The following RBFOX1 variants were observed in gnomAD, a reference collection of about 807,000 sequenced individuals.
RBFOX1 encodes the protein RNA binding protein fox-1 homolog 1.
RBFOX1 carries 8 observed loss-of-function variants against 57.7 expected under a neutral mutation model. That is an observed-to-expected ratio of 0.14 (90% confidence interval 0.08 to 0.25). The LOEUF (loss-of-function observed/expected upper bound fraction) is 0.25, where lower values mean the gene tolerates loss of function less well. Among genes scored for constraint, RBFOX1 ranks in the 10% least tolerant of loss-of-function variants. RBFOX1 has a pLI of 1.00. For synonymous variants in RBFOX1, 326 were observed against 222.4 expected (o/e 1.47, Z -4.15); for missense variants, 611 against 548.5 (o/e 1.11, Z -1.14).
At chr16:7,051,765 CAA>C (rs1292957102) in intron 3 of RBFOX1, among the ~76,000 whole-genome samples, 2 of 152,078 alleles carry the variant, frequency 1.3e-5, no homozygotes, top group Non-Finnish European at 2.9e-5. Context: ...AGTTTCATGA[CAA>C]GAGGGGAGGT....
intron 3 of RBFOX1, among the ~76,000 whole-genome samples, chr16:5,661,460 C>A (rs1053327669): frequency 6.6e-6 from 1 of 152,144 alleles, no homozygotes; most frequent in African/African-American, 2.4e-5. Context: ...ATTAATAACT[C>A]CTTCATATTA....
intron 4 of RBFOX1, among the ~76,000 whole-genome samples, chr16:7,232,935 G>A (rs895312514): frequency 6.6e-6 from 1 of 150,424 alleles, no homozygotes; most frequent in Admixed American, 6.6e-5. Flanking sequence ...TGTCAAATTT[G>A]TATTCCCATA....
At chr16:6,073,092 G>A (rs980499535) in intron 1 of RBFOX1, among the ~76,000 whole-genome samples, 1 of 152,154 alleles carries the variant, frequency 6.6e-6, no homozygotes, top group African/African-American at 2.4e-5. Context: ...TGCATCTAAT[G>A]AATTTCTTTA....
intron 2 of RBFOX1, among the ~76,000 whole-genome samples, chr16:5,512,835 T>G (rs1416103840): frequency 6.6e-6 from 1 of 152,222 alleles, no homozygotes; most frequent in Non-Finnish European, 1.5e-5. Context: ...GTCTGCTTTC[T>G]GTTTTGGGAT....
At chr16:6,753,849 G>A (rs951140793) in intron 3 of RBFOX1, among the ~76,000 whole-genome samples, 31 of 152,140 alleles carry the variant, frequency 2.0e-4, no homozygotes, top group African/African-American at 6.5e-4. Flanking sequence ...GATTTTTGCC[G>A]AGCTGAGTTT....
chr16:5,774,413 A>AT (rs1465158862), intron 3 of RBFOX1, among the ~76,000 whole-genome samples: 1 of 152,186 alleles, frequency 6.6e-6, no homozygotes, highest in Admixed American at 6.5e-5. Context: ...TTTAGAAATT[A>AT]TTTTCACAGA....
At chr16:6,952,755 A>G (rs995321309) in intron 3 of RBFOX1, among the ~76,000 whole-genome samples, 1 of 152,114 alleles carries the variant, frequency 6.6e-6, no homozygotes. Context: ...AAGCGGGCGG[A>G]TCACGAGGTC....
intron 3 of RBFOX1, among the ~76,000 whole-genome samples, chr16:6,883,917 T>A (rs1300012898): frequency 1.3e-5 from 2 of 152,140 alleles, no homozygotes; most frequent in African/African-American, 4.8e-5. Context: ...GGGGAACATC[T>A]TTACCCCAGG....
intron 3 of RBFOX1, among the ~76,000 whole-genome samples, chr16:6,853,192 C>G (rs527966683): frequency 6.6e-6 from 1 of 152,110 alleles, no homozygotes; most frequent in Non-Finnish European, 1.5e-5. Context: ...GAGACTAATA[C>G]TGGTGTTTAC....
At chr16:7,361,620 A>G (rs763116533) in intron 4 of RBFOX1, among the ~76,000 whole-genome samples, 40 of 152,316 alleles carry the variant, frequency 2.6e-4, no homozygotes, top group Middle Eastern at 3.4e-3. Flanking sequence ...TAAAGCAACC[A>G]AACACACACC....
intron 3 of RBFOX1, among the ~76,000 whole-genome samples, chr16:6,758,547 A>T (rs1461437241): frequency 1.3e-5 from 2 of 152,168 alleles, no homozygotes; most frequent in African/African-American, 4.8e-5. Flanking sequence ...CATTCAAAAC[A>T]GAATATAACC....
chr16:7,471,904 G>T (rs2061618302), intron 4 of RBFOX1, among the ~76,000 whole-genome samples: 1 of 152,142 alleles, frequency 6.6e-6, no homozygotes, highest in Non-Finnish European at 1.5e-5. Context: ...GCCATTTCCT[G>T]CTTCCATGGG....
chr16:7,440,674 T>C (rs2098758938), intron 4 of RBFOX1, among the ~76,000 whole-genome samples: 1 of 152,200 alleles, frequency 6.6e-6, no homozygotes, highest in Non-Finnish European at 1.5e-5. Context: ...CTCAGGTGAA[T>C]GAGTAACACA....
At chr16:7,297,467 G>A (rs1194259308) in intron 4 of RBFOX1, among the ~76,000 whole-genome samples, 2 of 152,152 alleles carry the variant, frequency 1.3e-5, no homozygotes, top group Non-Finnish European at 2.9e-5. Context: ...AAGTTATGCT[G>A]TAAACGGATA....
At chr16:7,304,100 G>C (rs1256347472) in intron 4 of RBFOX1, 2 of 638,272 alleles carry the variant, frequency 3.1e-6, no homozygotes, top group Non-Finnish European at 3.9e-6. Flanking sequence ...GTTGGAGGCA[G>C]AGGAACGCCG....
At chr16:6,066,814 C>T (rs1232010189) in intron 1 of RBFOX1, among the ~76,000 whole-genome samples, 1 of 152,144 alleles carries the variant, frequency 6.6e-6, no homozygotes, top group East Asian at 1.9e-4. Context: ...TCTGCTCATT[C>T]TGCCCTCCAC....
At chr16:6,720,399 C>T (rs898821270) in intron 3 of RBFOX1, among the ~76,000 whole-genome samples, 1 of 152,140 alleles carries the variant, frequency 6.6e-6, no homozygotes, top group African/African-American at 2.4e-5. Context: ...GAACTGTGAA[C>T]CATGTAAATC....
intron 14 of RBFOX1, among the ~76,000 whole-genome samples, chr16:7,708,246 T>TA (rs201903934): frequency 0.016 from 2,428 of 150,152 alleles, 81 homozygotes; most frequent in East Asian, 0.048. Flanking sequence ...TTGATTCCTT[T>TA]AAAAAAAAAA....
chr16:6,061,099 C>A (rs1237371592), intron 1 of RBFOX1, among the ~76,000 whole-genome samples: 1 of 152,136 alleles, frequency 6.6e-6, no homozygotes, highest in African/African-American at 2.4e-5. Flanking sequence ...CTGATTGGCC[C>A]AGGTCTTTTC....
Sources: allele counts gnomAD v4.1 joint callset (sites outside exome capture counted in the v4.1 genomes callset), GRCh38; gene constraint gnomAD v4.1.1; transcripts MANE v1.5; gene names NCBI Gene and HGNC (gene_info 2026-07-23, HGNC 2026-07-21).